BLTP2: variants seen among roughly 807,000 people sequenced by gnomAD.
BLTP2 encodes the protein U937-associated antigen.
At chr17:28,617,138 T>C in the BLTP2 span, 3 of 1,233,052 alleles carry the variant, frequency 2.4e-6, no homozygotes, top group African/African-American at 1.5e-5. Context: ...GATCACCACA[T>C]TGTTTTCCAT....
the BLTP2 span, among the ~76,000 whole-genome samples, chr17:28,632,422 G>A: frequency 7.8e-4 from 119 of 152,210 alleles, 1 homozygote; most frequent in East Asian, 0.018. Context: ...TTCCCCTACT[G>A]CTATGGTCTA....
the BLTP2 span, chr17:28,632,373 C>G: frequency 3.0e-6 from 2 of 665,542 alleles, no homozygotes; most frequent in Non-Finnish European, 5.1e-6. Flanking sequence ...ATTCAGCATC[C>G]CCAACTCCCT....
the BLTP2 span, chr17:28,644,133 C>A: frequency 5.0e-6 from 8 of 1,614,244 alleles, no homozygotes; most frequent in Non-Finnish European, 6.8e-6. Flanking sequence ...CAATCTTTAG[C>A]TCCGCCTGCA....
chr17:28,632,052 C>A, the BLTP2 span: 493 of 1,611,938 alleles, frequency 3.1e-4, no homozygotes, highest in African/African-American at 5.8e-3. Context: ...GCCTTACCTG[C>A]AGCTGGGGAA....
chr17:28,623,755 C>G, the BLTP2 span: 1 of 1,613,452 alleles, frequency 6.2e-7, no homozygotes, highest in Non-Finnish European at 8.5e-7. Flanking sequence ...AACTCACTGA[C>G]TAACCTCTAA....
the BLTP2 span, chr17:28,624,176 G>A: frequency 6.4e-7 from 1 of 1,566,650 alleles, no homozygotes; most frequent in Non-Finnish European, 8.7e-7. Flanking sequence ...TGGGGGAAGG[G>A]GAACAATATG....
At chr17:28,615,286 A>T in the BLTP2 span, 10 of 1,513,392 alleles carry the variant, frequency 6.6e-6, no homozygotes, top group Non-Finnish European at 9.0e-6. Flanking sequence ...TGTAAATATT[A>T]GTGGGCAGGC....
At chr17:28,633,006 G>A in the BLTP2 span, 3 of 1,581,682 alleles carry the variant, frequency 1.9e-6, no homozygotes, top group Admixed American at 1.9e-5. Flanking sequence ...GAAAGGCCCG[G>A]TAGGAGTCAT....
the BLTP2 span, chr17:28,618,916 G>C: frequency 6.2e-7 from 1 of 1,614,116 alleles, no homozygotes; most frequent in Non-Finnish European, 8.5e-7. Flanking sequence ...ACATCTTCTT[G>C]CTGCTTTCGC....
chr17:28,620,776 A>T, the BLTP2 span: 1 of 1,012,820 alleles, frequency 9.9e-7, no homozygotes, highest in Non-Finnish European at 1.5e-6. Context: ...TGTTTACTTC[A>T]GAATCATAAA....
the BLTP2 span, chr17:28,628,296 G>T: frequency 2.5e-6 from 4 of 1,614,150 alleles, no homozygotes; most frequent in Non-Finnish European, 3.4e-6. Context: ...GTTGTCCACT[G>T]AAGCTGGGAG....
the BLTP2 span, chr17:28,634,842 C>T: frequency 6.2e-7 from 1 of 1,613,872 alleles, no homozygotes; most frequent in Non-Finnish European, 8.5e-7. Context: ...GAAGGGCGGC[C>T]ACTTTAGCAT....
the BLTP2 span, chr17:28,639,843 CA>C: frequency 6.2e-7 from 1 of 1,603,062 alleles, no homozygotes; most frequent in African/African-American, 1.3e-5. Flanking sequence ...GGGGCATGAG[CA>C]AAGAGAGTAT....
the BLTP2 span, chr17:28,643,561 A>G: frequency 6.4e-7 from 1 of 1,567,808 alleles, no homozygotes; most frequent in Non-Finnish European, 8.8e-7. Flanking sequence ...TGCAAACACC[A>G]ACTCCAAAGT....
chr17:28,615,802 TAAGAGGAGGGGGA>T, the BLTP2 span: 3 of 1,613,058 alleles, frequency 1.9e-6, no homozygotes, highest in Non-Finnish European at 2.5e-6. Flanking sequence ...TCTCACCCTG[TAAGAGGAGGGGGA>T]GGGGAAAGAA....
At chr17:28,620,401 GC>G in the BLTP2 span, 1 of 1,279,706 alleles carries the variant, frequency 7.8e-7, no homozygotes, top group Non-Finnish European at 1.1e-6. Flanking sequence ...CAACCACAAG[GC>G]CCTTTTTCAG....
the BLTP2 span, chr17:28,616,473 G>A: frequency 6.2e-7 from 1 of 1,614,172 alleles, no homozygotes; most frequent in Non-Finnish European, 8.5e-7. This position sits in a 1 kb window ranked among gnomAD's most constrained non-coding sequence, Gnocchi z 4.8. Context: ...TGCATCATCT[G>A]TTGCAATCAG....
chr17:28,633,704 C>T, the BLTP2 span: 2 of 1,614,060 alleles, frequency 1.2e-6, no homozygotes, highest in Non-Finnish European at 1.7e-6. Flanking sequence ...AGTGTCCAGG[C>T]TGGATCCCAG....
the BLTP2 span, chr17:28,617,088 G>A: frequency 8.5e-7 from 1 of 1,173,338 alleles, no homozygotes; most frequent in Non-Finnish European, 1.2e-6. Context: ...GAGAGGAGAA[G>A]CAATGGTACT....
Sources: allele counts gnomAD v4.1 joint callset (sites outside exome capture counted in the v4.1 genomes callset), GRCh38; gene constraint gnomAD v4.1.1; non-coding constraint Gnocchi (gnomAD v3.1); transcripts MANE v1.5; gene names NCBI Gene and HGNC (gene_info 2026-07-23, HGNC 2026-07-21).